Variants in HDAC9 observed in about 807,000 individuals in gnomAD.
HDAC9 encodes the protein histone deacetylase 9, also known as MEF-2 interacting transcription repressor (MITR) protein.
HDAC9 carries 41 observed loss-of-function variants against 139.4 expected under a neutral mutation model. That is an observed-to-expected ratio of 0.29 (90% confidence interval 0.23 to 0.38). The LOEUF is 0.38. HDAC9 is among the 10% of genes least tolerant of loss of function. The pLI is 1.00. For missense variants in HDAC9, 1,147 were observed against 1,297.0 expected, an observed-to-expected ratio of 0.88 and a Z score of 1.78; for synonymous variants, 517 against 476.2, an observed-to-expected ratio of 1.09 and a Z score of -1.12.
At chr7:18,136,144 G>T (rs1785398088) in intron 1 of HDAC9, among the ~76,000 whole-genome samples, 1 of 149,610 alleles carries the variant, frequency 6.7e-6, no homozygotes, top group African/African-American at 2.5e-5. Context: ...ACTTTTTGAT[G>T]GGGTTGTTTG....
chr7:18,915,126 G>C (rs1332207436), intron 22 of HDAC9, among the ~76,000 whole-genome samples: 1 of 152,056 alleles, frequency 6.6e-6, no homozygotes. Context: ...TAGGGGATGT[G>C]TGTTTTCAAA....
At chr7:18,434,642 G>A (rs560219358) in intron 1 of HDAC9, among the ~76,000 whole-genome samples, 1 of 152,158 alleles carries the variant, frequency 6.6e-6, no homozygotes, top group Non-Finnish European at 1.5e-5. Flanking sequence ...ATGAAAAAAT[G>A]CTCAACATCA....
intron 2 of HDAC9, among the ~76,000 whole-genome samples, chr7:18,557,661 T>C (rs1819269014): frequency 6.7e-6 from 1 of 149,126 alleles, no homozygotes; most frequent in African/African-American, 2.4e-5. Context: ...CATTGCAAAT[T>C]ATATATTATA....
At chr7:18,475,572 A>AT (rs1795052825) in intron 1 of HDAC9, among the ~76,000 whole-genome samples, 1 of 152,104 alleles carries the variant, frequency 6.6e-6, no homozygotes, top group South Asian at 2.1e-4. Context: ...ATGGAGATGC[A>AT]TTTTTTTCTA....
At chr7:18,689,122 A>C (rs1355738317) in intron 12 of HDAC9, among the ~76,000 whole-genome samples, 1 of 151,314 alleles carries the variant, frequency 6.6e-6, no homozygotes, top group African/African-American at 2.4e-5. Context: ...ACAAACATAC[A>C]CACCATTAAA....
At chr7:18,234,387 A>C (rs1186010785) in intron 2 of HDAC9, among the ~76,000 whole-genome samples, 1 of 152,220 alleles carries the variant, frequency 6.6e-6, no homozygotes, top group Non-Finnish European at 1.5e-5. Flanking sequence ...TAGGTAGGCT[A>C]GAGTGGCCAA....
chr7:18,377,906 G>T (rs892615311), intron 1 of HDAC9, among the ~76,000 whole-genome samples: 4 of 152,130 alleles, frequency 2.6e-5, no homozygotes, highest in Non-Finnish European at 5.9e-5. Context: ...CCTGTAGATA[G>T]AGTAGGGAAC....
At chr7:18,201,809 C>T (rs1029652033) in intron 2 of HDAC9, among the ~76,000 whole-genome samples, 2 of 152,092 alleles carry the variant, frequency 1.3e-5, no homozygotes, top group African/African-American at 4.8e-5. Context: ...AGTTATTTTC[C>T]CATTATTCTC....
intron 1 of HDAC9, among the ~76,000 whole-genome samples, chr7:18,105,587 G>T (rs987389122): frequency 5.5e-5 from 8 of 145,730 alleles, no homozygotes; most frequent in African/African-American, 2.0e-4. Context: ...TCTAGATGTG[G>T]ATTTCATCTA....
intron 6 of HDAC9, among the ~76,000 whole-genome samples, chr7:18,627,195 T>A (rs1841947562): frequency 6.6e-6 from 1 of 152,198 alleles, no homozygotes; most frequent in Admixed American, 6.5e-5. Context: ...TGAATTCACA[T>A]CCCTCAATGA....
chr7:18,591,190 G>C (rs375208270), intron 4 of HDAC9, among the ~76,000 whole-genome samples: 6 of 152,058 alleles, frequency 3.9e-5, no homozygotes, highest in African/African-American at 1.4e-4. Context: ...ACAGTGTTTT[G>C]TTCCTCTGCA....
At chr7:18,322,449 A>G (rs1800100295) in intron 1 of HDAC9, among the ~76,000 whole-genome samples, 1 of 152,212 alleles carries the variant, frequency 6.6e-6, no homozygotes, top group Admixed American at 6.5e-5. Context: ...AGTTAGATAC[A>G]TCTTTGATTT....
intron 17 of HDAC9, among the ~76,000 whole-genome samples, chr7:18,824,044 GGAAGAAGAA>G (rs1554367872): frequency 3.3e-4 from 22 of 67,184 alleles, no homozygotes; most frequent in East Asian, 2.4e-3. Flanking sequence ...AAGAGGAAGA[GGAAGAAGAA>G]GAAGAAGAAG....
chr7:18,621,508 G>C (rs373445105), intron 6 of HDAC9, among the ~76,000 whole-genome samples: 3 of 152,158 alleles, frequency 2.0e-5, no homozygotes, highest in East Asian at 3.9e-4. Context: ...TAAGAGAATG[G>C]ATAGATGCAG....
chr7:18,679,599 CTCTT>C, intron 12 of HDAC9, among the ~76,000 whole-genome samples: 1 of 148,318 alleles, frequency 6.7e-6, no homozygotes. Context: ...CTCTCTCCGT[CTCTT>C]TCTTTCTCTC....
chr7:18,496,164 G>C, intron 1 of HDAC9, 98 bp from the exon 2 acceptor site: 3 of 1,439,160 alleles, frequency 2.1e-6, no homozygotes, highest in East Asian at 2.4e-5. Context: ...TCCTGGGGCC[G>C]GTGCACTGAG....
intron 21 of HDAC9, among the ~76,000 whole-genome samples, chr7:18,872,708 T>C (rs1585196107): frequency 6.6e-6 from 1 of 152,262 alleles, no homozygotes; most frequent in East Asian, 1.9e-4. Context: ...TCTCCTGTCT[T>C]CTTGTACTTC....
intron 1 of HDAC9, among the ~76,000 whole-genome samples, chr7:18,301,538 T>G (rs569543391): frequency 9.2e-5 from 14 of 152,306 alleles, no homozygotes; most frequent in Admixed American, 3.3e-4. Flanking sequence ...GCATAATACT[T>G]TCTTTCTTAT....
Position 19,002,360 on chromosome 7 carries a change from C to T in HDAC9, c.*6298C>T, listed in dbSNP as rs916141195. ...AATAACCCCTTTTGTTTTGTGTTTT[C>T]TACTGAATTAGATTTTCCTCTAGTC... On this transcript the variant is annotated 3_prime_UTR_variant, in exon 26 of 26. Transcript: ENST00000686413. 6.6e-6 allele frequency: 1 copy of T among 151,890 alleles called. No individual in the cohort carries two copies. The highest frequency in any genetic ancestry group is 2.4e-5 in the African/African-American group (1 of 41,378). 9.4% of individuals were successfully genotyped at this position (151,890 alleles called of 1,614,324 possible).
Sources: gnomAD v4.1 joint callset for allele counts (sites outside exome capture counted in the v4.1 genomes callset) on GRCh38, gnomAD v4.1.1 for gene constraint, MANE v1.5 for transcripts, NCBI Gene and HGNC (gene_info 2026-07-23, HGNC 2026-07-21) for gene names.